KLHL1: variants seen among roughly 807,000 people sequenced by gnomAD.
KLHL1 encodes kelch-like protein 1.
In KLHL1, 47 loss-of-function variants were observed where a neutral mutation model predicts 77.7. That is an observed-to-expected ratio of 0.60 (90% CI 0.48 to 0.77). The LOEUF (loss-of-function observed/expected upper bound fraction) is 0.77. Among genes scored for constraint, KLHL1 ranks in the 30% least tolerant of loss-of-function variants. The probability of loss-of-function intolerance (pLI) is 0.00; values close to 1 mark genes in which losing one functional copy is unlikely to be tolerated. For missense variants in KLHL1, 925 were observed against 910.8 expected (o/e 1.02, Z -0.20); for synonymous variants, 360 against 325.2 (o/e 1.11, Z -1.15).
At chr13:70,013,090 T>C (rs1205058867) in intron 1 of KLHL1, among the ~76,000 whole-genome samples, 2 of 152,048 alleles carry the variant, frequency 1.3e-5, no homozygotes. Context: ...CATTTAAAAA[T>C]ATCGGGGAAT....
At chr13:69,918,158 T>G (rs1157815771) in intron 4 of KLHL1, among the ~76,000 whole-genome samples, 1 of 152,216 alleles carries the variant, frequency 6.6e-6, no homozygotes, top group South Asian at 2.1e-4. Flanking sequence ...TTCTTTGTGG[T>G]TTCATGATTG....
intron 1 of KLHL1, among the ~76,000 whole-genome samples, chr13:70,046,596 G>A (rs1291810421): frequency 1.3e-5 from 2 of 152,078 alleles, no homozygotes; most frequent in African/African-American, 4.8e-5. Flanking sequence ...CAAGCGATTC[G>A]CGTGCTTCAG....
chr13:70,081,901 G>A (rs1273638596), intron 1 of KLHL1, among the ~76,000 whole-genome samples: 1 of 151,968 alleles, frequency 6.6e-6, no homozygotes, highest in Non-Finnish European at 1.5e-5. Context: ...ACTGATATTT[G>A]GATTTATGTC....
intron 1 of KLHL1, among the ~76,000 whole-genome samples, chr13:70,078,184 T>C (rs1215865674): frequency 1.3e-5 from 2 of 151,142 alleles, no homozygotes; most frequent in Non-Finnish European, 1.5e-5. Context: ...GGGAATTAAC[T>C]CAATCAAAAA....
At chr13:69,741,372 G>A (rs1002276814) in intron 7 of KLHL1, among the ~76,000 whole-genome samples, 2 of 152,086 alleles carry the variant, frequency 1.3e-5, no homozygotes, top group South Asian at 2.1e-4. Context: ...GGTACAATTT[G>A]AAGCCTGATT....
At chr13:70,067,798 T>G (rs948606611) in intron 1 of KLHL1, among the ~76,000 whole-genome samples, 6 of 152,106 alleles carry the variant, frequency 3.9e-5, no homozygotes, top group African/African-American at 1.2e-4. Context: ...TTTTCCTGTT[T>G]CCTCCACCAT....
chr13:69,910,049 A>C (rs9529652), intron 4 of KLHL1, among the ~76,000 whole-genome samples: 87,310 of 151,800 alleles, frequency 0.58, 25,099 homozygotes, highest in South Asian at 0.66. Flanking sequence ...CATCATCTAT[A>C]AAATGAAGCA....
chr13:69,868,890 A>T (rs1263757450), intron 5 of KLHL1, among the ~76,000 whole-genome samples: 2 of 152,140 alleles, frequency 1.3e-5, no homozygotes, highest in Non-Finnish European at 2.9e-5. Flanking sequence ...AAAAAGTAGT[A>T]TAGTACAAGT....
chr13:70,047,454 G>T (rs1368698516), intron 1 of KLHL1, among the ~76,000 whole-genome samples: 1 of 151,754 alleles, frequency 6.6e-6, no homozygotes. Flanking sequence ...TAGGTGGAAA[G>T]TTTGTCCCAT....
chr13:70,091,566 T>C (rs1427786998), intron 1 of KLHL1, among the ~76,000 whole-genome samples: 1 of 152,162 alleles, frequency 6.6e-6, no homozygotes, highest in South Asian at 2.1e-4. Context: ...GGATCTAAAA[T>C]TCACTCTCTC....
At chr13:69,961,240 C>A in intron 3 of KLHL1, 68 bp downstream of exon 3, 5 of 1,455,640 alleles carry the variant, frequency 3.4e-6, no homozygotes, top group South Asian at 1.3e-5. Flanking sequence ...GCGTTAAATC[C>A]TGTACTTAAA....
rs1449636061 is a variant in KLHL1, at chr13:69,975,496, ACAAAAAACTT to A, written c.680+114_680+123del. ...ATAAACAAAACAAACAACAACAACA[ACAAAAAACTT>A]AAAAAAATGTGAATCCTTATTTCTG... On this transcript the variant is annotated intron_variant, in intron 2 of 10. Transcript: ENST00000377844. 4.8e-5 allele frequency: 38 copies of A among 791,336 alleles called. No individual in the cohort carries two copies. In the East Asian group the frequency reaches 7.1e-4, roughly 15 times the overall value. The allele number at this position is 791,336 out of a possible 1,614,324, so 49.0% of individuals were successfully genotyped here. A position where few individuals can be genotyped will look rare whatever the true frequency, so the allele number is the denominator to read the frequency against.
At position 70,108,011 on chromosome 13, in the gene KLHL1, T is replaced by A; in HGVS notation, c.-312A>T. The A allele has an allele frequency of 2.3e-6, 1 of 441,618 alleles. No individual in the cohort carries two copies. The highest frequency in any genetic ancestry group is 4.0e-6 in the Non-Finnish European group (1 of 251,136). 27.4% of individuals were successfully genotyped at this position (441,618 alleles called of 1,614,324 possible). On this transcript the variant is annotated 5_prime_UTR_variant, in exon 1 of 11. Transcript: ENST00000377844. ...CGATGCCCGCGCGAGAGCCCCGTGT[T>A]ATGGCGAGGTGGGACAACCCTTAGG...
chr13:69,789,859 T>C (rs1325789090), intron 7 of KLHL1, among the ~76,000 whole-genome samples: 1 of 151,974 alleles, frequency 6.6e-6, no homozygotes, highest in African/African-American at 2.4e-5. Flanking sequence ...TTTTGCATTG[T>C]CAAAGGTTGA....
chr13:69,969,881 A>T (rs1884327240), intron 2 of KLHL1, among the ~76,000 whole-genome samples: 1 of 152,190 alleles, frequency 6.6e-6, no homozygotes, highest in African/African-American at 2.4e-5. Flanking sequence ...ATGCAACCAC[A>T]CTAGAAAATC....
chr13:69,814,457 A>G (rs1199797558), intron 6 of KLHL1, among the ~76,000 whole-genome samples: 1 of 152,188 alleles, frequency 6.6e-6, no homozygotes, highest in Non-Finnish European at 1.5e-5. Flanking sequence ...AACAGAATAA[A>G]CAGACAACCT....
intron 1 of KLHL1, among the ~76,000 whole-genome samples, chr13:70,000,968 C>A: frequency 6.7e-6 from 1 of 148,654 alleles, no homozygotes; most frequent in South Asian, 2.1e-4. Context: ...TTAATAAGAT[C>A]AATGATGACA....
chr13:69,943,359 A>G (rs1303655406), intron 3 of KLHL1, among the ~76,000 whole-genome samples: 2 of 152,128 alleles, frequency 1.3e-5, no homozygotes, highest in African/African-American at 4.8e-5. Flanking sequence ...CTTTCACTGA[A>G]AGTAAGACAG....
chr13:70,101,634 G>A (rs1887926078), intron 1 of KLHL1, among the ~76,000 whole-genome samples: 1 of 151,956 alleles, frequency 6.6e-6, no homozygotes, highest in East Asian at 1.9e-4. Context: ...TCACCATGTT[G>A]GCCAGGCTGG....
Sources: allele counts gnomAD v4.1 joint callset (sites outside exome capture counted in the v4.1 genomes callset), GRCh38; gene constraint gnomAD v4.1.1; transcripts MANE v1.5; gene names NCBI Gene and HGNC (gene_info 2026-07-23, HGNC 2026-07-21).